The following IRF2 variants were observed in gnomAD, a reference collection of about 807,000 sequenced individuals.
The protein encoded by IRF2 is interferon regulatory factor 2.
A neutral mutation model predicts 40.6 loss-of-function variants in IRF2; 15 were observed. That is an observed-to-expected ratio of 0.37 (90% CI 0.25 to 0.57). The LOEUF (loss-of-function observed/expected upper bound fraction) is 0.57. Ranked by LOEUF, IRF2 falls within the 20% of genes least tolerant of loss-of-function variation. The pLI is 0.77. For synonymous variants in IRF2, 151 were observed against 165.5 expected (o/e 0.91, Z 0.67); for missense variants, 317 against 455.7 (o/e 0.70, Z 2.77).
At chr4:184,401,768 G>A (rs181723543) in intron 6 of IRF2, among the ~76,000 whole-genome samples, 1 of 152,302 alleles carries the variant, frequency 6.6e-6, no homozygotes, top group Admixed American at 6.5e-5. Context: ...AGGGCGCAGC[G>A]ATACCTTGCA....
At chr4:184,436,418 G>A (rs1295904551) in intron 1 of IRF2, among the ~76,000 whole-genome samples, 2 of 152,148 alleles carry the variant, frequency 1.3e-5, no homozygotes, top group Non-Finnish European at 2.9e-5. Context: ...GAACAAATAA[G>A]TTAACTGAGG....
intron 6 of IRF2, among the ~76,000 whole-genome samples, chr4:184,407,951 C>A: frequency 2.7e-5 from 4 of 150,338 alleles, no homozygotes; most frequent in Admixed American, 2.6e-4. Context: ...CCTTCTTCCA[C>A]GGAGGCTGAC....
chr4:184,416,787 T>C (rs747846347), intron 5 of IRF2, among the ~76,000 whole-genome samples: 8 of 152,212 alleles, frequency 5.3e-5, no homozygotes, highest in Non-Finnish European at 1.2e-4. Context: ...GGCTCACGCC[T>C]GTATTCCCAG....
chr4:184,419,250 T>C (rs1247275612), intron 3 of IRF2, among the ~76,000 whole-genome samples: 1 of 152,022 alleles, frequency 6.6e-6, no homozygotes, highest in East Asian at 1.9e-4. Context: ...AATACCACAT[T>C]TATAGGAAAT....
chr4:184,416,339 A>C (rs1462505918), intron 5 of IRF2, among the ~76,000 whole-genome samples: 1 of 151,522 alleles, frequency 6.6e-6, no homozygotes, highest in Non-Finnish European at 1.5e-5. Flanking sequence ...AAAAAAAAAA[A>C]AAAACGAAAA....
At chr4:184,401,721 G>T (rs190806764) in intron 6 of IRF2, among the ~76,000 whole-genome samples, 157 of 152,338 alleles carry the variant, frequency 1.0e-3, no homozygotes, top group Middle Eastern at 3.4e-3. Context: ...GGTGGGTGGA[G>T]GTAGAAACCA....
At chr4:184,437,552 C>CA (rs1738127479) in intron 1 of IRF2, among the ~76,000 whole-genome samples, 1 of 151,976 alleles carries the variant, frequency 6.6e-6, no homozygotes, top group African/African-American at 2.4e-5. Flanking sequence ...GCAGCCCCCA[C>CA]AAAAAATAAG....
intron 1 of IRF2, among the ~76,000 whole-genome samples, chr4:184,470,959 G>A (rs1739494675): frequency 6.6e-6 from 1 of 151,618 alleles, no homozygotes; most frequent in Admixed American, 6.6e-5. Flanking sequence ...TGACAATATC[G>A]GATTCCACTG....
chr4:184,451,726 C>G (rs1738721658), intron 1 of IRF2, among the ~76,000 whole-genome samples: 1 of 152,212 alleles, frequency 6.6e-6, no homozygotes, highest in Non-Finnish European at 1.5e-5. Flanking sequence ...ACACTAGTTC[C>G]TATGGTTGTC....
chr4:184,390,635 G>A (rs918611109), intron 8 of IRF2, 68 bp downstream of exon 8: 3 of 1,500,720 alleles, frequency 2.0e-6, no homozygotes, highest in Admixed American at 3.4e-5. Flanking sequence ...CCAGCAGCAA[G>A]GAAAGCCCGG....
At chr4:184,438,927 C>T (rs1006685249) in intron 1 of IRF2, among the ~76,000 whole-genome samples, 3 of 152,188 alleles carry the variant, frequency 2.0e-5, no homozygotes, top group African/African-American at 7.2e-5. Context: ...AATCACTCTC[C>T]AGACTCTCAT....
At chr4:184,468,053 A>G (rs999832567) in intron 1 of IRF2, among the ~76,000 whole-genome samples, 3 of 152,242 alleles carry the variant, frequency 2.0e-5, no homozygotes, top group African/African-American at 7.2e-5. Flanking sequence ...TTTCTTGCTT[A>G]TCAGAAGGGA....
At chr4:184,434,262 G>A (rs1472028387) in intron 1 of IRF2, among the ~76,000 whole-genome samples, 1 of 152,176 alleles carries the variant, frequency 6.6e-6, no homozygotes, top group African/African-American at 2.4e-5. Flanking sequence ...ACATTGTGTC[G>A]CGACCTTGAC....
intron 1 of IRF2, among the ~76,000 whole-genome samples, chr4:184,442,201 G>A (rs973099387): frequency 2.0e-5 from 3 of 152,096 alleles, no homozygotes; most frequent in African/African-American, 7.2e-5. Context: ...CAGCGAGTGG[G>A]CATCAACAAA....
intron 1 of IRF2, among the ~76,000 whole-genome samples, chr4:184,460,837 C>G (rs1405765214): frequency 6.6e-6 from 1 of 152,020 alleles, no homozygotes; most frequent in Non-Finnish European, 1.5e-5. Flanking sequence ...GTAGGACCTA[C>G]GTAGAAAAAG....
chr4:184,474,018 C>G lies in IRF2; in HGVS notation c.-7+361G>C, dbSNP rs991230526. The G allele has an allele frequency of 1.7e-4, 26 of 153,188 alleles. No individual in the cohort carries two copies. The highest frequency in any genetic ancestry group is 6.3e-4 in the African/African-American group (26 of 41,460). 9.5% of individuals were successfully genotyped at this position (153,188 alleles called of 1,614,324 possible). A position where few individuals can be genotyped will look rare whatever the true frequency, so the allele number is the denominator to read the frequency against. On this transcript the variant is annotated intron_variant, in intron 1 of 8. Transcript: ENST00000393593. This position sits in a 1 kb window ranked among gnomAD's most constrained non-coding sequence, Gnocchi z 5.6. ...GGGCGCAGAAGCACACACAGCAGGT[C>G]TGTGTCCATGGAGCCACCTCTCCGC...
intron 2 of IRF2, 150 bp downstream of exon 2, chr4:184,428,828 C>T (rs1205181107): frequency 4.2e-6 from 3 of 713,494 alleles, no homozygotes; most frequent in East Asian, 2.6e-5. Context: ...GAGATGATAA[C>T]TTGATGTTTT....
intron 1 of IRF2, among the ~76,000 whole-genome samples, chr4:184,439,614 T>C (rs1310587360): frequency 1.3e-5 from 2 of 152,164 alleles, no homozygotes; most frequent in African/African-American, 4.8e-5. Flanking sequence ...TGCTTTCAAA[T>C]ACCACAAAAC....
At chr4:184,409,720 C>T (rs1436452145) in intron 5 of IRF2, among the ~76,000 whole-genome samples, 1 of 152,034 alleles carries the variant, frequency 6.6e-6, no homozygotes, top group African/African-American at 2.4e-5. Flanking sequence ...ATAGCAAGAC[C>T]CTGTCTCTAC....
Sources: gnomAD v4.1 joint callset for allele counts (sites outside exome capture counted in the v4.1 genomes callset) on GRCh38, gnomAD v4.1.1 for gene constraint, Gnocchi (gnomAD v3.1) non-coding constraint, MANE v1.5 for transcripts, NCBI Gene and HGNC (gene_info 2026-07-23, HGNC 2026-07-21) for gene names.